The following TENM3 variants were observed in gnomAD, a reference collection of about 807,000 sequenced individuals.
TENM3 encodes the protein teneurin transmembrane protein 3, also known as teneurin-3.
TENM3 carries 63 observed loss-of-function variants against 255.1 expected under a neutral mutation model. The observed-to-expected ratio is 0.25, with a 90% CI of 0.20 to 0.30. The LOEUF (loss-of-function observed/expected upper bound fraction) is 0.30. TENM3 is among the 10% of genes least tolerant of loss of function. The pLI is 1.00. For missense variants in TENM3, 2,929 were observed against 3,461.1 expected (o/e 0.85, Z 3.86); for synonymous variants, 1,306 against 1,322.3 (o/e 0.99, Z 0.27).
chr4:181,907,804 T>C, the TENM3 span, among the ~76,000 whole-genome samples: 6 of 152,202 alleles, frequency 3.9e-5, no homozygotes, highest in South Asian at 1.2e-3. Context: ...GCCAACTGCT[T>C]GAATGAGTAG....
chr4:181,950,545 C>A, the TENM3 span, among the ~76,000 whole-genome samples: 27 of 152,274 alleles, frequency 1.8e-4, no homozygotes, highest in Non-Finnish European at 3.4e-4. Flanking sequence ...TGAATGGAAG[C>A]TCCATGAAGG....
intron 13 of TENM3, among the ~76,000 whole-genome samples, chr4:182,722,444 G>A (rs941528839): frequency 6.6e-6 from 1 of 152,180 alleles, no homozygotes; most frequent in Non-Finnish European, 1.5e-5. Context: ...GCAAGGCTCT[G>A]GGGATACGAT....
At chr4:181,587,465 T>C in the TENM3 span, among the ~76,000 whole-genome samples, 6 of 152,284 alleles carry the variant, frequency 3.9e-5, no homozygotes, top group African/African-American at 1.4e-4. Flanking sequence ...CTTTCATCAG[T>C]GAGTACAACT....
At chr4:182,212,092 A>T (rs531042272) in intron 1 of TENM3, among the ~76,000 whole-genome samples, 99 of 152,344 alleles carry the variant, frequency 6.5e-4, no homozygotes, top group African/African-American at 2.2e-3. Flanking sequence ...ATGGAATTTT[A>T]AAAAAATTCT....
chr4:181,614,880 G>T, the TENM3 span, among the ~76,000 whole-genome samples: 1 of 152,228 alleles, frequency 6.6e-6, no homozygotes, highest in Non-Finnish European at 1.5e-5. Context: ...AAAAGAGAAA[G>T]TATAGGGAGA....
intron 22 of TENM3, among the ~76,000 whole-genome samples, chr4:182,761,093 C>T (rs576312670): frequency 2.0e-5 from 3 of 152,252 alleles, no homozygotes; most frequent in Non-Finnish European, 2.9e-5. Flanking sequence ...ACAAAAGTGA[C>T]CACTGCAATC....
At chr4:181,817,427 C>T in the TENM3 span, among the ~76,000 whole-genome samples, 2,083 of 152,274 alleles carry the variant, frequency 0.014, 53 homozygotes, top group African/African-American at 0.047. Context: ...TGAACCAAAA[C>T]TGCCTCTGGT....
chr4:182,317,262 T>C (rs1762801014), intron 1 of TENM3, among the ~76,000 whole-genome samples: 1 of 152,140 alleles, frequency 6.6e-6, no homozygotes, highest in Non-Finnish European at 1.5e-5. Context: ...TTTATATTCA[T>C]AGTAGATTCC....
the TENM3 span, among the ~76,000 whole-genome samples, chr4:181,532,645 T>G: frequency 6.6e-6 from 1 of 152,150 alleles, no homozygotes; most frequent in African/African-American, 2.4e-5. Flanking sequence ...GTGCCCCTAT[T>G]TTAAAAAGTA....
intron 3 of TENM3, among the ~76,000 whole-genome samples, chr4:182,581,318 A>C (rs781057200): frequency 6.6e-6 from 1 of 152,254 alleles, no homozygotes; most frequent in Non-Finnish European, 1.5e-5. Flanking sequence ...CCAGAAGTCC[A>C]TTGACTTTTA....
intron 3 of TENM3, among the ~76,000 whole-genome samples, chr4:182,408,024 A>G (rs1308609088): frequency 6.6e-6 from 1 of 152,164 alleles, no homozygotes; most frequent in Non-Finnish European, 1.5e-5. Flanking sequence ...GTTCAAATGC[A>G]CCTGTCATTT....
At chr4:181,699,045 G>T in the TENM3 span, among the ~76,000 whole-genome samples, 1 of 152,112 alleles carries the variant, frequency 6.6e-6, no homozygotes, top group Non-Finnish European at 1.5e-5. Flanking sequence ...TTAAGATAAA[G>T]TTTACAGTGT....
chr4:182,680,437 A>AGT (rs1554014058), intron 9 of TENM3, 88 bp downstream of exon 9: 1 of 1,112,438 alleles, frequency 9.0e-7, no homozygotes. Flanking sequence ...CAGGAAAGAA[A>AGT]GGGGGGGGGA....
At chr4:182,551,219 TAAAAA>T (rs34487025) in intron 3 of TENM3, among the ~76,000 whole-genome samples, 1 of 112,258 alleles carries the variant, frequency 8.9e-6, no homozygotes, top group Non-Finnish European at 1.8e-5. Flanking sequence ...AGACTCCATC[TAAAAA>T]AAAAAAAAAA....
chr4:182,122,088 A>T, the TENM3 span, among the ~76,000 whole-genome samples: 1 of 152,226 alleles, frequency 6.6e-6, no homozygotes, highest in Non-Finnish European at 1.5e-5. Flanking sequence ...GCAACTCCTT[A>T]TCTGTTCAAG....
At chr4:181,806,351 G>GT in the TENM3 span, among the ~76,000 whole-genome samples, 2 of 152,146 alleles carry the variant, frequency 1.3e-5, no homozygotes, top group Non-Finnish European at 2.9e-5. Context: ...CCTCGACTGT[G>GT]CTACCTGTCT....
At chr4:182,713,998 T>A in intron 12 of TENM3, 89 bp from the exon 13 acceptor site, 1 of 1,052,084 alleles carries the variant, frequency 9.5e-7, no homozygotes, top group South Asian at 1.4e-5. Flanking sequence ...TATAAAGGCC[T>A]GTTCCCACTA....
chr4:181,520,805 G>A, the TENM3 span, among the ~76,000 whole-genome samples: 1 of 151,942 alleles, frequency 6.6e-6, no homozygotes, highest in Non-Finnish European at 1.5e-5. Flanking sequence ...GTCTGTCCAT[G>A]TTGAACGCTC....
rs369445044 is a variant in TENM3, at chr4:182,507,513, T to TC, written c.512-93411_512-93410insC. ...CATAGGCAATTCCGTCAGAATTTTTTTTATATAAATCAGTGTGAAAGCATT... is the reference window on the plus strand; with the variant it reads ...CATAGGCAATTCCGTCAGAATTTTTTCTTATATAAATCAGTGTGAAAGCATT... On this transcript the variant is annotated intron_variant, in intron 3 of 27. Transcript: ENST00000511685. Among the ~76,000 whole-genome samples the TC allele has an allele frequency of 2.7e-3, 411 of 152,288 alleles. 1 individual carries two copies. Among genetic ancestry groups the TC allele is most frequent in the African/African-American group, 9.3e-3 (388 of 41,572 alleles).
Sources: gnomAD v4.1 joint callset for allele counts (sites outside exome capture counted in the v4.1 genomes callset) on GRCh38, gnomAD v4.1.1 for gene constraint, MANE v1.5 for transcripts, NCBI Gene and HGNC (gene_info 2026-07-23, HGNC 2026-07-21) for gene names.